GRM7: variants seen among roughly 807,000 people sequenced by gnomAD.
GRM7 encodes metabotropic glutamate receptor 7.
In GRM7, 35 loss-of-function variants were observed where a neutral mutation model predicts 84.5. The observed-to-expected ratio is 0.41, with a 90% CI of 0.32 to 0.55. GRM7 has a LOEUF of 0.55. Ranked by LOEUF, GRM7 falls within the 20% of genes least tolerant of loss-of-function variation. The probability of loss-of-function intolerance (pLI) is 0.19; values close to 1 mark genes in which losing one functional copy is unlikely to be tolerated. For missense variants in GRM7, 1,003 were observed against 1,194.6 expected (o/e 0.84, Z 2.36); for synonymous variants, 487 against 455.1 (o/e 1.07, Z -0.89).
chr3:7,652,342 TAGGGAAAGTTCTCAG>T (rs1342442094), intron 8 of GRM7, among the ~76,000 whole-genome samples: 1 of 152,084 alleles, frequency 6.6e-6, no homozygotes, highest in Non-Finnish European at 1.5e-5. Flanking sequence ...GGAGAAGGGA[TAGGGAAAGTTCTCAG>T]AAGGAAAGAG....
chr3:7,687,375 C>T (rs1458596013), intron 9 of GRM7, among the ~76,000 whole-genome samples: 1 of 152,152 alleles, frequency 6.6e-6, no homozygotes, highest in African/African-American at 2.4e-5. Context: ...CACGCTGTTT[C>T]AGCCTAAGCA....
intron 1 of GRM7, among the ~76,000 whole-genome samples, chr3:6,963,905 T>A (rs1361050974): frequency 6.6e-6 from 1 of 151,850 alleles, no homozygotes; most frequent in Non-Finnish European, 1.5e-5. Context: ...TCTGTTGGAG[T>A]TTTCTCTACT....
intron 7 of GRM7, among the ~76,000 whole-genome samples, chr3:7,525,328 G>A (rs1385685793): frequency 1.3e-5 from 2 of 152,060 alleles, no homozygotes; most frequent in Non-Finnish European, 2.9e-5. Context: ...AAAATACAGT[G>A]TATTGGGTTC....
At chr3:7,112,843 G>A (rs1692905683) in intron 1 of GRM7, among the ~76,000 whole-genome samples, 1 of 152,136 alleles carries the variant, frequency 6.6e-6, no homozygotes, top group African/African-American at 2.4e-5. Flanking sequence ...GACTGATTCA[G>A]CAGGTGTATT....
chr3:7,303,029 C>A (rs1242971537), intron 3 of GRM7, among the ~76,000 whole-genome samples: 1 of 149,916 alleles, frequency 6.7e-6, no homozygotes, highest in Admixed American at 6.6e-5. Context: ...AAAGCTCCAC[C>A]TCCCGGGTTC....
intron 1 of GRM7, among the ~76,000 whole-genome samples, chr3:7,106,196 C>T (rs1226697458): frequency 1.3e-5 from 2 of 151,492 alleles, no homozygotes; most frequent in Non-Finnish European, 2.9e-5. Context: ...TTCTTTAAAA[C>T]AGAAATTTCT....
intron 2 of GRM7, among the ~76,000 whole-genome samples, chr3:7,249,894 T>C (rs542665887): frequency 6.6e-6 from 1 of 152,278 alleles, no homozygotes; most frequent in African/African-American, 2.4e-5. Flanking sequence ...TGTGTTGAGA[T>C]TGGTACCAGG....
intron 7 of GRM7, among the ~76,000 whole-genome samples, chr3:7,507,157 C>A (rs1349296630): frequency 6.6e-6 from 1 of 152,066 alleles, no homozygotes; most frequent in East Asian, 1.9e-4. Context: ...GAAATTGACT[C>A]TGGTTAATTT....
chr3:7,074,003 G>A (rs1373050194), intron 1 of GRM7, among the ~76,000 whole-genome samples: 2 of 152,078 alleles, frequency 1.3e-5, no homozygotes, highest in Non-Finnish European at 1.5e-5. Context: ...TAATTTACTT[G>A]CAAAACATTG....
chr3:7,062,774 C>A (rs1218803892), intron 1 of GRM7, among the ~76,000 whole-genome samples: 1 of 151,718 alleles, frequency 6.6e-6, no homozygotes, highest in Non-Finnish European at 1.5e-5. Context: ...GTCATCAACA[C>A]ACTTAAAAAT....
chr3:7,540,572 G>A (rs562629720), intron 7 of GRM7, among the ~76,000 whole-genome samples: 111 of 152,284 alleles, frequency 7.3e-4, no homozygotes, highest in African/African-American at 2.6e-3. Flanking sequence ...AAGGTGAAAT[G>A]AGAATGGGAA....
At chr3:7,566,758 A>T (rs1694296030) in intron 7 of GRM7, among the ~76,000 whole-genome samples, 1 of 152,222 alleles carries the variant, frequency 6.6e-6, no homozygotes, top group African/African-American at 2.4e-5. Context: ...TTAAAAAAAA[A>T]AATTCTGAAG....
chr3:7,267,983 C>T (rs900018087), intron 2 of GRM7, among the ~76,000 whole-genome samples: 18 of 151,848 alleles, frequency 1.2e-4, no homozygotes, highest in South Asian at 6.2e-4. Flanking sequence ...TAGAAAGAAA[C>T]GCACCTTGCT....
At chr3:7,615,594 T>C (rs1489985518) in intron 8 of GRM7, among the ~76,000 whole-genome samples, 3 of 152,136 alleles carry the variant, frequency 2.0e-5, no homozygotes, top group Non-Finnish European at 4.4e-5. Context: ...TGCTTCTGAG[T>C]AAGGCTGGTT....
At chr3:7,126,681 T>C (rs1378009877) in intron 1 of GRM7, among the ~76,000 whole-genome samples, 1 of 152,242 alleles carries the variant, frequency 6.6e-6, no homozygotes, top group African/African-American at 2.4e-5. Flanking sequence ...AAGTTAAATA[T>C]CTCAAGATAA....
chr3:7,625,898 A>G (rs895041665), intron 8 of GRM7, among the ~76,000 whole-genome samples: 3 of 152,156 alleles, frequency 2.0e-5, no homozygotes, highest in African/African-American at 7.2e-5. Flanking sequence ...AAAGGGAGAA[A>G]TTACAGAAAA....
intron 1 of GRM7, among the ~76,000 whole-genome samples, chr3:6,876,599 A>ATTTTTTT (rs34723690): frequency 8.1e-6 from 1 of 124,140 alleles, no homozygotes; most frequent in Non-Finnish European, 1.6e-5. Context: ...TTTACCACTA[A>ATTTTTTT]TTTTTTTTTT....
intron 3 of GRM7, among the ~76,000 whole-genome samples, chr3:7,301,070 C>T (rs1699982528): frequency 6.6e-6 from 1 of 152,148 alleles, no homozygotes; most frequent in African/African-American, 2.4e-5. Context: ...GTTTAGGCCT[C>T]ATCTACATTC....
chr3:7,202,742 C>T lies in GRM7; in HGVS notation c.736+56074C>T, dbSNP rs555090413. The stretch of plus-strand genomic sequence containing the variant: ...GATATAATCATTAACTCAAACATGT[C>T]CTAGATCTTCGGAGCCAAAATCTCC... On this transcript the variant is annotated intron_variant, in intron 2 of 9. Transcript: ENST00000357716. Among the ~76,000 whole-genome samples, 5 of 152,224 alleles carry T rather than the reference C, an allele frequency of 3.3e-5. No homozygotes were observed. In the South Asian group the frequency reaches 1.0e-3, roughly 32 times the overall value.
Sources: allele counts gnomAD v4.1 joint callset (sites outside exome capture counted in the v4.1 genomes callset), GRCh38; gene constraint gnomAD v4.1.1; transcripts MANE v1.5; gene names NCBI Gene and HGNC (gene_info 2026-07-23, HGNC 2026-07-21).